RUFY1: variants seen among roughly 807,000 people sequenced by gnomAD.
The protein encoded by RUFY1 is RUN and FYVE domain containing 1, also known as RUN and FYVE domain-containing protein 1.
In RUFY1, 54 loss-of-function variants were observed where a neutral mutation model predicts 94.6. That is an observed-to-expected ratio of 0.57 (90% CI 0.46 to 0.72). The LOEUF (loss-of-function observed/expected upper bound fraction) is 0.72, where lower values mean the gene tolerates loss of function less well. Ranked by LOEUF, RUFY1 falls within the 30% of genes least tolerant of loss-of-function variation. RUFY1 has a pLI of 0.00. For missense variants in RUFY1, 883 were observed against 883.9 expected (o/e 1.00, Z 0.01); for synonymous variants, 396 against 347.3 (o/e 1.14, Z -1.56).
intron 5 of RUFY1, among the ~76,000 whole-genome samples, chr5:179,574,695 C>G (rs1763489027): frequency 1.3e-5 from 2 of 152,152 alleles, no homozygotes; most frequent in South Asian, 4.1e-4. Flanking sequence ...AAAGTATTCT[C>G]TTACAGCTTT....
At chr5:179,601,480 T>C (rs947380108) in intron 14 of RUFY1, among the ~76,000 whole-genome samples, 3 of 151,956 alleles carry the variant, frequency 2.0e-5, no homozygotes, top group African/African-American at 4.8e-5. Context: ...CCTTTTGCTC[T>C]TGAAAAACAT....
chr5:179,552,790 C>T (rs1761926875), intron 1 of RUFY1, among the ~76,000 whole-genome samples: 1 of 152,150 alleles, frequency 6.6e-6, no homozygotes, highest in South Asian at 2.1e-4. Context: ...GTACCTGGCA[C>T]AGAATAATAA....
chr5:179,586,735 G>T (rs987755512), intron 8 of RUFY1, among the ~76,000 whole-genome samples: 2 of 152,166 alleles, frequency 1.3e-5, no homozygotes, highest in Non-Finnish European at 2.9e-5. Context: ...TGTCACAGAT[G>T]GGGGTGTCAT....
chr5:179,607,635 G>A lies in RUFY1; in HGVS notation c.1959G>A (p.Lys653=), dbSNP rs749751280. 1 of 1,614,220 alleles carries A rather than the reference G, an allele frequency of 6.2e-7. No individual in the cohort carries two copies. Among genetic ancestry groups the A allele is most frequent in the Non-Finnish European group, 8.5e-7 (1 of 1,180,024 alleles). The part of the protein sequence containing the change: ...DEATHCRQCE[K]EFSISRRKHH... ...CGACACACTGTAGGCAGTGTGAGAA[G>A]GAGTTCTCCATTTCCCGGAGAAAGG... Residue 653 remains lysine, a synonymous_variant, in exon 17 of 18, where the codon AAG becomes AAA. Coordinates refer to ENST00000319449, the MANE Select transcript of RUFY1 (RefSeq NM_025158.5).
chr5:179,580,820 T>C (rs568113019), intron 6 of RUFY1, 127 bp from the exon 7 acceptor site: 2 of 589,908 alleles, frequency 3.4e-6, no homozygotes, highest in Non-Finnish European at 6.0e-6. Flanking sequence ...GTTACTGAGC[T>C]CTGGCTGTCT....
chr5:179,584,628 C>A (rs987904672), intron 7 of RUFY1, among the ~76,000 whole-genome samples: 1 of 151,766 alleles, frequency 6.6e-6, no homozygotes, highest in Non-Finnish European at 1.5e-5. Context: ...CAAAAAAATA[C>A]AAAAATTAGC....
chr5:179,607,982 G>C (rs930725542), intron 17 of RUFY1, among the ~76,000 whole-genome samples: 3 of 152,158 alleles, frequency 2.0e-5, no homozygotes, highest in Non-Finnish European at 4.4e-5. Context: ...TTCTCTGTAT[G>C]CGGCAGGAAC....
In RUFY1 at chr5:179,599,202, G is replaced by A. The variant is rs1366221296; in HGVS notation, c.1761+381G>A. 4 of 178,196 alleles carry A rather than the reference G, an allele frequency of 2.2e-5. No individual in the cohort carries two copies. The South Asian group carries it at 5.3e-4, about 24-fold the overall frequency. 11.0% of individuals were successfully genotyped at this position (178,196 alleles called of 1,614,324 possible). ...GAGGAGCAAAGAGGCGGCCTCAGGC[G>A]GCAGGCAGGAGGAAGCCCTTCATGG... On this transcript the variant is annotated intron_variant, in intron 14 of 17. Transcript: ENST00000319449.
At chr5:179,577,806 C>T (rs544878445) in intron 6 of RUFY1, among the ~76,000 whole-genome samples, 3 of 144,884 alleles carry the variant, frequency 2.1e-5, no homozygotes, top group Admixed American at 1.4e-4. Context: ...GATGTGCGCA[C>T]ATCGGGTGGT....
At position 179,550,711 on chromosome 5, in the gene RUFY1, G is replaced by A. The variant is rs868854112; in HGVS notation, c.142G>A (p.Gly48Ser). The change falls in exon 1 of 18, where the codon GGC (glycine) becomes AGC (serine). Residue 48 changes from glycine (G) to serine (S), a missense_variant. Transcript: ENST00000319449. ...IVDRSQLPGP[G>S]DLRSATRPRA... Reference sequence around the variant, plus strand: ...GGACCGAAGCCAGCTGCCCGGCCCAGGCGACCTGCGGAGCGCAACGAGGCC... The same window carrying A: ...GGACCGAAGCCAGCTGCCCGGCCCAAGCGACCTGCGGAGCGCAACGAGGCC... The A allele has an allele frequency of 6.7e-6, 10 of 1,487,832 alleles. No individual in the cohort carries two copies. Among genetic ancestry groups the A allele is most frequent in the Middle Eastern group, 1.8e-4 (1 of 5,440 alleles). The allele number at this position is 1,487,832 out of a possible 1,614,324, so 92.2% of individuals were successfully genotyped here.
At chr5:179,577,177 T>TTC (rs1763682686) in intron 6 of RUFY1, 41 bp downstream of exon 6, 1 of 1,332,684 alleles carries the variant, frequency 7.5e-7, no homozygotes, top group East Asian at 2.4e-5. Context: ...TTTTTTTTTT[T>TTC]TTTTTTTTTT....
At chr5:179,561,671 T>C (rs1238932854) in intron 2 of RUFY1, among the ~76,000 whole-genome samples, 2 of 126,460 alleles carry the variant, frequency 1.6e-5, no homozygotes, top group Admixed American at 8.5e-5. Context: ...CAACTGTTTT[T>C]TTCTTTCTTT....
chr5:179,553,315 G>T (rs7736163), intron 1 of RUFY1, among the ~76,000 whole-genome samples: 3 of 152,018 alleles, frequency 2.0e-5, no homozygotes, highest in Admixed American at 6.6e-5. Context: ...GCTGTAGTAA[G>T]GGGGAGTCTG....
intron 5 of RUFY1, 103 bp from the exon 6 acceptor site, chr5:179,576,972 T>A: frequency 1.2e-6 from 1 of 846,252 alleles, no homozygotes. Flanking sequence ...TAAATAAATG[T>A]TCATAGGAAA....
intron 14 of RUFY1, among the ~76,000 whole-genome samples, chr5:179,600,332 A>G (rs1194348950): frequency 6.6e-6 from 1 of 152,096 alleles, no homozygotes; most frequent in Non-Finnish European, 1.5e-5. Flanking sequence ...CCTGGCCTTA[A>G]CAGACTGGCT....
intron 1 of RUFY1, among the ~76,000 whole-genome samples, chr5:179,556,717 C>G (rs925539259): frequency 3.9e-5 from 6 of 152,054 alleles, no homozygotes; most frequent in Non-Finnish European, 8.8e-5. Flanking sequence ...CCAGGCTGAT[C>G]TCGAACTCCT....
intron 8 of RUFY1, among the ~76,000 whole-genome samples, chr5:179,587,114 C>T (rs1004656883): frequency 1.3e-5 from 2 of 150,316 alleles, no homozygotes; most frequent in Admixed American, 6.6e-5. Context: ...AGTGCAGTGG[C>T]GCAGTCATAG....
chr5:179,594,933 T>C lies in RUFY1; in HGVS notation c.1481T>C (p.Val494Ala). The change falls in exon 12 of 18, where the codon GTT (valine) becomes GCT (alanine). Residue 494 changes from valine (V) to alanine (A), a missense_variant. Coordinates refer to ENST00000319449, the MANE Select transcript of RUFY1 (RefSeq NM_025158.5). Reference sequence around the variant, plus strand: ...TCCTTTGAAGGAAAAACCAACCAAGTTATGTCCAGCATGAAACAAATGGAA... The same window carrying C: ...TCCTTTGAAGGAAAAACCAACCAAGCTATGTCCAGCATGAAACAAATGGAA... ...ITSFEGKTNQ[V>A]MSSMKQMEER... 1 of 1,612,700 alleles carries C rather than the reference T, an allele frequency of 6.2e-7. No individual in the cohort carries two copies. The highest frequency in any genetic ancestry group is 8.5e-7 in the Non-Finnish European group (1 of 1,178,954).
intron 3 of RUFY1, among the ~76,000 whole-genome samples, chr5:179,563,766 G>A (rs900860204): frequency 6.6e-6 from 1 of 152,004 alleles, no homozygotes; most frequent in Non-Finnish European, 1.5e-5. Flanking sequence ...CCGCTTCCTA[G>A]GTTCAAGCGA....
Sources: gnomAD v4.1 joint callset for allele counts (sites outside exome capture counted in the v4.1 genomes callset) on GRCh38, gnomAD v4.1.1 for gene constraint, MANE v1.5 for transcripts, NCBI Gene and HGNC (gene_info 2026-07-23, HGNC 2026-07-21) for gene names.